Variants in MFN2 observed in about 807,000 individuals in gnomAD.
MFN2 encodes the protein mitofusin 2, also known as mitofusin-2.
In MFN2, 43 loss-of-function variants were observed where a neutral mutation model predicts 87.5. That is an observed-to-expected ratio of 0.49 (90% CI 0.38 to 0.63). The LOEUF is 0.63. Among genes scored for constraint, MFN2 ranks in the 30% least tolerant of loss-of-function variants. The pLI is 0.00. For missense variants in MFN2, 743 were observed against 972.8 expected (o/e 0.76, Z 3.14); for synonymous variants, 337 against 359.9 (o/e 0.94, Z 0.72).
Position 12,003,576 on chromosome 1 carries a change from ATC to A in MFN2, c.1161-415_1161-414del. ...CTACTCGGGAGGCTGAAGCAGGAGA[ATC>A]GCTTGAACCCAGGAAGTGGAGGTTG... On this transcript the variant is annotated intron_variant, in intron 11 of 18. Coordinates refer to ENST00000235329, the MANE Select transcript of MFN2 (RefSeq NM_014874.4). The surrounding 1 kb of genome is among the most constrained non-coding windows in gnomAD (Gnocchi z 4.1). Among the ~76,000 whole-genome samples the A allele has an allele frequency of 6.6e-6, 1 of 152,154 alleles. No homozygotes were observed. The highest frequency in any genetic ancestry group is 3.4e-3 in the Middle Eastern group (1 of 294).
At chr1:11,996,910 C>A (rs1259091777) in intron 5 of MFN2, among the ~76,000 whole-genome samples, 2 of 152,052 alleles carry the variant, frequency 1.3e-5, no homozygotes, top group African/African-American at 4.8e-5. Flanking sequence ...TGGTGGTAGG[C>A]ACCTGTAATC....
At position 12,004,639 on chromosome 1, in the gene MFN2, T is replaced by C; in HGVS notation, c.1392+26T>C. 5 of 1,605,618 alleles carry C rather than the reference T, an allele frequency of 3.1e-6. No homozygotes were observed. The highest frequency in any genetic ancestry group is 4.3e-6 in the Non-Finnish European group (5 of 1,172,376). On this transcript the variant is annotated intron_variant, in intron 13 of 18. Transcript: ENST00000235329. The surrounding 1 kb of genome is among the most constrained non-coding windows in gnomAD (Gnocchi z 4.2). Reference sequence around the variant, plus strand: ...GTGAGTCATGGAGCAACAGGTCCTCTTGGCAGGAGGCCCCCAAAAGTGATT... The same window carrying C: ...GTGAGTCATGGAGCAACAGGTCCTCCTGGCAGGAGGCCCCCAAAAGTGATT...
chr1:11,992,188 C>T (rs1015432215), intron 3 of MFN2: 6 of 273,752 alleles, frequency 2.2e-5, no homozygotes, highest in East Asian at 1.7e-4. Flanking sequence ...TTCTACCAGC[C>T]GCCATTCACA....
chr1:11,984,608 G>A (rs540185314), intron 2 of MFN2, among the ~76,000 whole-genome samples: 121 of 152,268 alleles, frequency 7.9e-4, no homozygotes, highest in African/African-American at 2.8e-3. Context: ...TAGGCCTCAG[G>A]GGCAGGCCTC....
intron 14 of MFN2, 71 bp from the exon 15 acceptor site, chr1:12,005,640 C>A: frequency 6.8e-7 from 1 of 1,471,022 alleles, no homozygotes; most frequent in Non-Finnish European, 9.5e-7. Flanking sequence ...AGAGCCCTGT[C>A]TCCAAGGCTT....
chr1:12,006,778 C>T, intron 16 of MFN2, 85 bp downstream of exon 16: 6 of 1,539,636 alleles, frequency 3.9e-6, no homozygotes, highest in Non-Finnish European at 5.4e-6. Flanking sequence ...GTGGCCCCTG[C>T]ATTGGGCCAC....
Position 12,001,445 on chromosome 1 carries a change from T to G in MFN2, c.861T>G (p.Asp287Glu). The change falls in exon 9 of 19, where the codon GAT (aspartate) becomes GAG (glutamate). Residue 287 changes from aspartate (D) to glutamate (E), a missense_variant. Physicochemically the swap from Asp to Glu is conservative, Grantham distance 45. Transcript: ENST00000235329. ...AGCGTTGTACCAGCTTCCTGGTGGA[T>G]GAGCTGGGCGTGGTGGATCGATCCC... ...HMERCTSFLVDELGVVDRSQA... is the reference protein window; with the variant it reads ...HMERCTSFLVEELGVVDRSQA... The G allele has an allele frequency of 6.2e-7, 1 of 1,614,018 alleles. No homozygotes were observed. The highest frequency in any genetic ancestry group is 8.5e-7 in the Non-Finnish European group (1 of 1,179,962).
intron 3 of MFN2, among the ~76,000 whole-genome samples, chr1:11,990,568 T>C (rs1445476052): frequency 6.6e-6 from 1 of 152,212 alleles, no homozygotes; most frequent in Non-Finnish European, 1.5e-5. Context: ...CAGGTGTTTA[T>C]GTGATGCATG....
intron 11 of MFN2, among the ~76,000 whole-genome samples, chr1:12,002,413 G>A (rs573779069): frequency 6.6e-6 from 1 of 152,362 alleles, no homozygotes; most frequent in Admixed American, 6.5e-5. Context: ...CAACATTCCA[G>A]CCAGGAGCAG....
Position 12,004,603 on chromosome 1 carries a change from T to C in MFN2, c.1382T>C (p.Val461Ala), listed in dbSNP as rs1639321832. 1.2e-6 allele frequency: 2 copies of C among 1,613,670 alleles called. No homozygotes were observed. Among genetic ancestry groups the C allele is most frequent in the African/African-American group, 1.3e-5 (1 of 74,878 alleles). The change falls in exon 13 of 19, where the codon GTT becomes GCT. Residue 461 changes from valine to alanine, a missense_variant. Physicochemically the swap from Val to Ala is moderately conservative, Grantham distance 64 (BLOSUM62 0). This residue lies in a region of MFN2 where 571 missense variants were observed against 670.7 expected (regional missense o/e 0.85). Transcript: ENST00000235329. The surrounding 1 kb of genome is among the most constrained non-coding windows in gnomAD (Gnocchi z 4.2). ...DFHPSPVVLK[V>A]YKNELHRHIE... ...CACCCTTCTCCAGTAGTCCTCAAGG[T>C]TTATAAGAATGTGAGTCATGGAGCA... is the stretch of plus-strand genomic sequence containing the variant.
intron 2 of MFN2, among the ~76,000 whole-genome samples, chr1:11,987,685 G>A (rs2100798060): frequency 6.7e-6 from 1 of 150,126 alleles, no homozygotes; most frequent in East Asian, 2.0e-4. Flanking sequence ...TTTAATCCCA[G>A]CACTTTAATC....
intron 6 of MFN2, among the ~76,000 whole-genome samples, chr1:11,997,710 T>C (rs962960818): frequency 6.6e-6 from 1 of 152,022 alleles, no homozygotes; most frequent in Non-Finnish European, 1.5e-5. Context: ...TGCCAGCATG[T>C]GTACTGGGGG....
At chr1:12,009,405 G>A (rs1356759127) in intron 17 of MFN2, among the ~76,000 whole-genome samples, 187 bp from the exon 18 acceptor site, 1 of 152,232 alleles carries the variant, frequency 6.6e-6, no homozygotes, top group African/African-American at 2.4e-5. Flanking sequence ...TGCTGAGTGT[G>A]TTTGGTTGTT....
In MFN2 at chr1:11,996,267, C is replaced by G; in HGVS notation, c.423C>G (p.Gly141=). ...TCCTGCGGGTAGAGGGCACAGATGG[C>G]CATGAGGCCTTTCTCCTTACCGAGG... is the stretch of plus-strand genomic sequence containing the variant. ...NCFLRVEGTD[G]HEAFLLTEGS... Residue 141 remains glycine (G), a synonymous_variant, in exon 5 of 19, where the codon GGC becomes GGG. Transcript: ENST00000235329. 1 of 1,614,166 alleles carries G rather than the reference C, an allele frequency of 6.2e-7. No homozygotes were observed. The highest frequency in any genetic ancestry group is 8.5e-7 in the Non-Finnish European group (1 of 1,180,020).
chr1:11,981,082 C>T (rs1188762831), intron 1 of MFN2, among the ~76,000 whole-genome samples: 2 of 152,212 alleles, frequency 1.3e-5, no homozygotes, highest in Non-Finnish European at 2.9e-5. Context: ...AATTCTCAAT[C>T]ATCTCTCTCT....
At position 11,997,164 on chromosome 1, in the gene MFN2, T is replaced by G. The variant is rs142199251; in HGVS notation, c.475-133T>G. On this transcript the variant is annotated intron_variant, in intron 5 of 18. Coordinates refer to ENST00000235329, the MANE Select transcript of MFN2 (RefSeq NM_014874.4). ...TATTGACAACTCCCAGCTGTTAACT[T>G]TTTATATGTGGAAGAAGAAAGGGTA... is the stretch of plus-strand genomic sequence containing the variant. The G allele has an allele frequency of 2.9e-6, 4 of 1,394,430 alleles. No individual in the cohort carries two copies. The East Asian group carries it at 9.7e-5, about 34-fold the overall frequency. The allele number at this position is 1,394,430 out of a possible 1,614,324, so 86.4% of individuals were successfully genotyped here.
At chr1:11,994,836 G>A (rs1328113309) in intron 4 of MFN2, among the ~76,000 whole-genome samples, 1 of 152,174 alleles carries the variant, frequency 6.6e-6, no homozygotes, top group African/African-American at 2.4e-5. Flanking sequence ...TTGTAGTTCT[G>A]CTCTAGTGAT....
chr1:11,992,274 T>G (rs945710320), intron 3 of MFN2: 98 of 487,432 alleles, frequency 2.0e-4, no homozygotes, highest in Admixed American at 5.0e-4. Context: ...CGTTTTGTGC[T>G]TAAGGAAACT....
At chr1:11,985,455 CTTTTT>C (rs774330626) in intron 2 of MFN2, among the ~76,000 whole-genome samples, 2,814 of 119,636 alleles carry the variant, frequency 0.024, 145 homozygotes, top group African/African-American at 0.1. Flanking sequence ...TCCTTGATCC[CTTTTT>C]TTTTTTTTTT....
Sources: gnomAD v4.1 joint callset for allele counts (sites outside exome capture counted in the v4.1 genomes callset) on GRCh38, gnomAD v4.1.1 for gene constraint, gnomAD v4.1.1 regional missense constraint, Gnocchi (gnomAD v3.1) non-coding constraint, MANE v1.5 for transcripts, NCBI Gene and HGNC (gene_info 2026-07-23, HGNC 2026-07-21) for gene names.